Variants in RP1 observed in about 807,000 individuals in gnomAD.
RP1 encodes the protein RP1 axonemal microtubule associated, also known as oxygen-regulated protein 1.
Under a neutral mutation model 14.8 loss-of-function variants are expected in RP1, and 16 were observed. The ratio of observed to expected loss-of-function variants is 1.08; its 90% CI spans 0.73 to 1.65. RP1 has a LOEUF of 1.65. Ranked by LOEUF, RP1 falls within the 40% of genes most tolerant of loss-of-function variation. The pLI is 0.00. For synonymous variants in RP1, 876 were observed against 883.6 expected (o/e 0.99, Z 0.15); for missense variants, 2,631 against 2,535.0 (o/e 1.04, Z -0.81).
At chr8:54,857,719 C>A (rs1812238824) in intron 27 of RP1, among the ~76,000 whole-genome samples, 1 of 152,018 alleles carries the variant, frequency 6.6e-6, no homozygotes, top group African/African-American at 2.4e-5. Context: ...TGTGTCTGTC[C>A]CTGTGTTTCC....
At chr8:54,564,774 G>A (rs1284697209) in intron 1 of RP1, among the ~76,000 whole-genome samples, 1 of 152,186 alleles carries the variant, frequency 6.6e-6, no homozygotes. Context: ...GGTGGGAGAT[G>A]TGAATTTCCT....
chr8:54,795,712 C>T (rs1354238205), intron 24 of RP1, among the ~76,000 whole-genome samples: 3 of 152,130 alleles, frequency 2.0e-5, no homozygotes, highest in Non-Finnish European at 4.4e-5. Flanking sequence ...GAAAGACTAA[C>T]ATCTTTATTT....
At chr8:54,602,516 T>G (rs890925491) in intron 1 of RP1, among the ~76,000 whole-genome samples, 2 of 152,154 alleles carry the variant, frequency 1.3e-5, no homozygotes, top group Non-Finnish European at 1.5e-5. Context: ...TGTGTCTTTA[T>G]AGCAGCATGT....
chr8:54,792,261 TA>T (rs1343641690), intron 24 of RP1, among the ~76,000 whole-genome samples: 1 of 151,928 alleles, frequency 6.6e-6, no homozygotes, highest in Non-Finnish European at 1.5e-5. Flanking sequence ...AATATTATAA[TA>T]GTAAGGATCT....
intron 12 of RP1, among the ~76,000 whole-genome samples, chr8:54,686,648 G>T (rs751627796): frequency 6.6e-6 from 1 of 152,072 alleles, no homozygotes; most frequent in Non-Finnish European, 1.5e-5. Context: ...CAGTCACAAA[G>T]AAGTGTTGTC....
At chr8:54,821,673 A>G (rs1203707379) in intron 24 of RP1, among the ~76,000 whole-genome samples, 1 of 151,306 alleles carries the variant, frequency 6.6e-6, no homozygotes, top group African/African-American at 2.4e-5. Context: ...TTAAACTGGA[A>G]AAAAAAAATT....
chr8:54,831,298 G>A (rs1224826785), intron 24 of RP1, among the ~76,000 whole-genome samples: 1 of 151,484 alleles, frequency 6.6e-6, no homozygotes, highest in East Asian at 1.9e-4. Context: ...CATAGTGGCT[G>A]CACCTTATTG....
intron 15 of RP1, among the ~76,000 whole-genome samples, chr8:54,717,127 T>C (rs1037662477): frequency 2.6e-5 from 4 of 152,122 alleles, no homozygotes; most frequent in African/African-American, 9.7e-5. Flanking sequence ...AGGTGTCCCG[T>C]CCTCCAGGTT....
intron 24 of RP1, among the ~76,000 whole-genome samples, chr8:54,829,714 T>C (rs1811473825): frequency 6.6e-6 from 1 of 152,172 alleles, no homozygotes; most frequent in Non-Finnish European, 1.5e-5. Context: ...AAGAACTGAC[T>C]GAACCAAGTA....
rs1806055744 is a variant in RP1, at chr8:54,626,510, A to T, written c.2628A>T (p.Lys876Asn). ...GCCAGAAAAAACGTAAAGGGGATAA[A>T]GTGAAAGCAAGTGCTATTTTAAGTA... is the stretch of plus-strand genomic sequence containing the variant. ...LKSQKKRKGD[K>N]VKASAILSKQ... Residue 876 changes from lysine (K) to asparagine (N), a missense_variant, in exon 4 of 4, where the codon AAA (lysine) becomes AAT (asparagine). Transcript: ENST00000220676. 2 of 1,613,840 alleles carry T rather than the reference A, an allele frequency of 1.2e-6. No individual in the cohort carries two copies. The highest frequency in any genetic ancestry group is 1.7e-6 in the Non-Finnish European group (2 of 1,179,902).
intron 4 of RP1, among the ~76,000 whole-genome samples, chr8:54,652,343 T>C (rs1305219373): frequency 6.6e-6 from 1 of 152,218 alleles, no homozygotes; most frequent in Non-Finnish European, 1.5e-5. Context: ...CAAGATACTC[T>C]GTATGATTTG....
chr8:54,849,410 A>T (rs1585745232), intron 25 of RP1, among the ~76,000 whole-genome samples: 1 of 152,186 alleles, frequency 6.6e-6, no homozygotes, highest in South Asian at 2.1e-4. Context: ...CTTCTAGTGA[A>T]AAATCCTATC....
At position 54,854,978 on chromosome 8, in the gene RP1, C is replaced by G. The variant is rs541626006; in HGVS notation, c.3991-2050C>G. Among the ~76,000 whole-genome samples, 3 of 152,246 alleles carry G rather than the reference C, an allele frequency of 2.0e-5. No individual in the cohort carries two copies. The South Asian group carries it at 6.2e-4, about 32-fold the overall frequency. ...CAGTATAATGGTTTAAGTACATTCA[C>G]ATTATTGTGTAAGCATGACTACCGT... On this transcript the variant is annotated intron_variant, in intron 26 of 28. Coordinates refer to the RP1 transcript ENST00000637698.
At chr8:54,693,316 C>T (rs1237926604) in intron 12 of RP1, among the ~76,000 whole-genome samples, 1 of 152,026 alleles carries the variant, frequency 6.6e-6, no homozygotes, top group East Asian at 1.9e-4. Context: ...TTTTTGGTTC[C>T]ATATGAACTT....
At chr8:54,701,329 G>A (rs956726247) in intron 13 of RP1, among the ~76,000 whole-genome samples, 4 of 151,866 alleles carry the variant, frequency 2.6e-5, no homozygotes, top group Non-Finnish European at 2.9e-5. Context: ...TTAAGTCTGG[G>A]GAATAAAACC....
intron 24 of RP1, among the ~76,000 whole-genome samples, chr8:54,805,312 A>C (rs1810822055): frequency 6.6e-6 from 1 of 152,220 alleles, no homozygotes; most frequent in South Asian, 2.1e-4. Context: ...TCTATCTCTA[A>C]GCTATCTTTC....
chr8:54,744,232 T>C (rs1010055232), intron 19 of RP1, among the ~76,000 whole-genome samples: 7 of 152,126 alleles, frequency 4.6e-5, no homozygotes, highest in African/African-American at 1.2e-4. Context: ...TATTAGGTGA[T>C]GTTGTGACAA....
chr8:54,650,190 G>A (rs1427861165), intron 4 of RP1, among the ~76,000 whole-genome samples: 11 of 152,064 alleles, frequency 7.2e-5, no homozygotes, highest in Admixed American at 7.2e-4. Flanking sequence ...TCTGAATGCT[G>A]CTACTAAATT....
chr8:54,832,899 T>C (rs1175513964), intron 24 of RP1, among the ~76,000 whole-genome samples: 2 of 152,036 alleles, frequency 1.3e-5, no homozygotes, highest in Non-Finnish European at 2.9e-5. Flanking sequence ...AGGGATTTGA[T>C]GGAAAGCCTT....
Sources: allele counts gnomAD v4.1 joint callset (sites outside exome capture counted in the v4.1 genomes callset), GRCh38; gene constraint gnomAD v4.1.1; transcripts MANE v1.5; gene names NCBI Gene and HGNC (gene_info 2026-07-23, HGNC 2026-07-21).